The following COL25A1 variants were observed in gnomAD, a reference collection of about 807,000 sequenced individuals.
The protein encoded by COL25A1 is collagen alpha-1(XXV) chain.
A neutral mutation model predicts 128.4 loss-of-function variants in COL25A1; 103 were observed. That is an observed-to-expected ratio of 0.80 (90% CI 0.68 to 0.94). The LOEUF (loss-of-function observed/expected upper bound fraction) is 0.94. Ranked by LOEUF, COL25A1 falls within the 40% of genes least tolerant of loss-of-function variation. The pLI is 0.00. For missense variants in COL25A1, 745 were observed against 840.0 expected, an observed-to-expected ratio of 0.89 and a Z score of 1.40; for synonymous variants, 279 against 277.2, an observed-to-expected ratio of 1.01 and a Z score of -0.06.
chr4:109,038,986 G>A (rs758514886), intron 5 of COL25A1, among the ~76,000 whole-genome samples: 11 of 151,944 alleles, frequency 7.2e-5, no homozygotes, highest in Non-Finnish European at 1.5e-4. Context: ...ACTATGATTC[G>A]CCAGAATGAG....
At chr4:108,959,039 C>CTATGA (rs1750383882) in intron 8 of COL25A1, among the ~76,000 whole-genome samples, 2 of 152,042 alleles carry the variant, frequency 1.3e-5, no homozygotes, top group African/African-American at 4.8e-5. Flanking sequence ...TTGATGGACT[C>CTATGA]TGTCATCATA....
intron 3 of COL25A1, among the ~76,000 whole-genome samples, chr4:109,258,711 T>C (rs188541744): frequency 1.3e-5 from 2 of 152,310 alleles, no homozygotes; most frequent in Admixed American, 6.5e-5. Context: ...ACAAGTAATA[T>C]GTCTTTAAAG....
intron 31 of COL25A1, chr4:108,834,233 T>C: frequency 9.7e-7 from 1 of 1,031,884 alleles, no homozygotes; most frequent in Non-Finnish European, 1.4e-6. Flanking sequence ...CCTTCCCCTT[T>C]TACTCCAGCT....
intron 3 of COL25A1, among the ~76,000 whole-genome samples, chr4:109,154,490 G>A (rs949613761): frequency 3.9e-5 from 6 of 152,118 alleles, no homozygotes; most frequent in African/African-American, 1.2e-4. Context: ...GGAGTGGATC[G>A]CTGAGAAGGT....
At chr4:109,055,025 G>C (rs1761335987) in intron 3 of COL25A1, among the ~76,000 whole-genome samples, 1 of 152,110 alleles carries the variant, frequency 6.6e-6, no homozygotes, top group Non-Finnish European at 1.5e-5. Context: ...ACTAAACCAG[G>C]TTTACCTTCA....
chr4:109,032,496 A>G (rs1758956848), intron 5 of COL25A1, among the ~76,000 whole-genome samples: 2 of 152,220 alleles, frequency 1.3e-5, no homozygotes, highest in South Asian at 4.1e-4. Context: ...AAGCAATTGG[A>G]AAATCTTTTG....
intron 3 of COL25A1, among the ~76,000 whole-genome samples, chr4:109,285,298 A>G (rs1013333949): frequency 6.6e-6 from 1 of 152,218 alleles, no homozygotes; most frequent in African/African-American, 2.4e-5. Context: ...TGCTATATAA[A>G]GAGAAGAATT....
At chr4:109,207,277 T>C (rs1777084672) in intron 3 of COL25A1, among the ~76,000 whole-genome samples, 1 of 152,282 alleles carries the variant, frequency 6.6e-6, no homozygotes, top group Middle Eastern at 3.4e-3. Flanking sequence ...GTGATACAGC[T>C]GAGTCAAAGC....
intron 5 of COL25A1, among the ~76,000 whole-genome samples, chr4:109,044,162 T>G (rs1392739404): frequency 6.6e-6 from 1 of 151,876 alleles, no homozygotes; most frequent in African/African-American, 2.4e-5. Flanking sequence ...TAAGGCTGAG[T>G]AATAAGCTGA....
At chr4:108,835,863 T>C (rs1340663733) in intron 31 of COL25A1, among the ~76,000 whole-genome samples, 2 of 8,384 alleles carry the variant, frequency 2.4e-4, no homozygotes, top group Admixed American at 1.6e-3. Context: ...ACATACGTCT[T>C]TTTTTTTTTT....
intron 11 of COL25A1, chr4:108,920,965 A>C (rs1195067530): frequency 1.2e-5 from 2 of 173,598 alleles, no homozygotes; most frequent in Non-Finnish European, 2.5e-5. Context: ...AATGCAATGT[A>C]GTTTCTCAGC....
intron 3 of COL25A1, among the ~76,000 whole-genome samples, chr4:109,063,254 G>A (rs963398844): frequency 6.6e-6 from 1 of 152,156 alleles, no homozygotes; most frequent in Non-Finnish European, 1.5e-5. Context: ...TATAATCCCA[G>A]CACTTTGGGA....
intron 3 of COL25A1, among the ~76,000 whole-genome samples, chr4:109,178,379 T>C (rs1410549270): frequency 2.0e-5 from 3 of 152,186 alleles, no homozygotes; most frequent in African/African-American, 7.2e-5. Flanking sequence ...TAGCCAGATT[T>C]TTCCATCCAG....
At chr4:109,107,657 C>G (rs183820936) in intron 3 of COL25A1, among the ~76,000 whole-genome samples, 1 of 152,166 alleles carries the variant, frequency 6.6e-6, no homozygotes, top group South Asian at 2.1e-4. Context: ...ATAAAATAGA[C>G]GGAGAAATTA....
intron 6 of COL25A1, among the ~76,000 whole-genome samples, chr4:108,982,629 T>A (rs1031566529): frequency 2.0e-5 from 3 of 152,200 alleles, no homozygotes; most frequent in African/African-American, 7.2e-5. Flanking sequence ...GGGAAGGGAA[T>A]TATAGCTATA....
chr4:108,952,345 T>G (rs1361519192), intron 8 of COL25A1, among the ~76,000 whole-genome samples: 1 of 152,148 alleles, frequency 6.6e-6, no homozygotes, highest in Non-Finnish European at 1.5e-5. Context: ...ATTTTTTCTT[T>G]TCATGAAATG....
At chr4:109,248,182 T>C (rs1780405376) in intron 3 of COL25A1, among the ~76,000 whole-genome samples, 1 of 152,172 alleles carries the variant, frequency 6.6e-6, no homozygotes, top group Admixed American at 6.5e-5. Context: ...ACTATTATTC[T>C]CTAGTCCTTA....
intron 3 of COL25A1, among the ~76,000 whole-genome samples, chr4:109,153,165 C>A (rs780952033): frequency 6.6e-6 from 1 of 151,946 alleles, no homozygotes. Flanking sequence ...GTGGGTGGAT[C>A]TCCTGAGGTC....
chr4:108,868,307 C>T (rs1738190060), intron 20 of COL25A1, among the ~76,000 whole-genome samples: 1 of 152,104 alleles, frequency 6.6e-6, no homozygotes, highest in Admixed American at 6.5e-5. Flanking sequence ...TAACTTTCCA[C>T]TACTCAATAT....
Sources: allele counts gnomAD v4.1 joint callset (sites outside exome capture counted in the v4.1 genomes callset), GRCh38; gene constraint gnomAD v4.1.1; transcripts MANE v1.5; gene names NCBI Gene and HGNC (gene_info 2026-07-23, HGNC 2026-07-21).